The following SEMA6D variants were observed in gnomAD, a reference collection of about 807,000 sequenced individuals.
The protein encoded by SEMA6D is semaphorin-6D.
Under a neutral mutation model 106.6 loss-of-function variants are expected in SEMA6D, and 35 were observed. That is an observed-to-expected ratio of 0.33 (90% CI 0.25 to 0.44). The LOEUF (loss-of-function observed/expected upper bound fraction) is 0.44, where lower values mean the gene tolerates loss of function less well. SEMA6D is among the 20% of genes least tolerant of loss of function. The pLI, the probability that SEMA6D is intolerant of heterozygous loss-of-function variation, is 1.00. For missense variants in SEMA6D, 1,185 were observed against 1,345.9 expected, an observed-to-expected ratio of 0.88 and a Z score of 1.87; for synonymous variants, 499 against 487.7, an observed-to-expected ratio of 1.02 and a Z score of -0.31.
chr15:47,659,174 A>G (rs1372822320), intron 4 of SEMA6D, among the ~76,000 whole-genome samples: 5 of 152,022 alleles, frequency 3.3e-5, no homozygotes, highest in African/African-American at 1.2e-4. Context: ...CAAAATATAC[A>G]AATAATGTGA....
chr15:47,633,802 C>A (rs925480953), intron 4 of SEMA6D, among the ~76,000 whole-genome samples: 2 of 152,006 alleles, frequency 1.3e-5, no homozygotes, highest in Non-Finnish European at 2.9e-5. Flanking sequence ...TCCAAAGGTC[C>A]CCATTAATTT....
intron 4 of SEMA6D, among the ~76,000 whole-genome samples, chr15:47,691,130 A>G (rs377320372): frequency 4.6e-5 from 7 of 152,322 alleles, no homozygotes; most frequent in East Asian, 3.9e-4. Flanking sequence ...CTTGATATCA[A>G]TGTTTTAATA....
intron 1 of SEMA6D, among the ~76,000 whole-genome samples, chr15:47,204,954 G>A (rs1028733182): frequency 1.3e-5 from 2 of 152,064 alleles, no homozygotes; most frequent in African/African-American, 4.8e-5. Context: ...GAAAGAAGCT[G>A]TAAAAATGTC....
At chr15:47,315,140 A>T (rs2036613849) in intron 1 of SEMA6D, among the ~76,000 whole-genome samples, 1 of 152,084 alleles carries the variant, frequency 6.6e-6, no homozygotes, top group South Asian at 2.1e-4. Context: ...TGCTGGGATT[A>T]CAAGCGTGAG....
chr15:47,657,795 G>T (rs2077830693), intron 4 of SEMA6D, among the ~76,000 whole-genome samples: 1 of 127,862 alleles, frequency 7.8e-6, no homozygotes, highest in Middle Eastern at 5.2e-3. Flanking sequence ...AGGCTGGAGT[G>T]CAGTGGCAGA....
At chr15:47,629,321 A>G (rs1020545454) in intron 4 of SEMA6D, among the ~76,000 whole-genome samples, 4 of 151,998 alleles carry the variant, frequency 2.6e-5, no homozygotes, top group African/African-American at 9.7e-5. Flanking sequence ...AACTATTGCT[A>G]GAAGCTAAAT....
chr15:47,640,946 A>C (rs975749324), intron 4 of SEMA6D, among the ~76,000 whole-genome samples: 1 of 152,132 alleles, frequency 6.6e-6, no homozygotes, highest in African/African-American at 2.4e-5. Flanking sequence ...AAGAAACCTC[A>C]AAGTCCTTCA....
At chr15:47,578,159 G>C (rs188308115) in intron 3 of SEMA6D, among the ~76,000 whole-genome samples, 1 of 152,332 alleles carries the variant, frequency 6.6e-6, no homozygotes, top group Admixed American at 6.5e-5. Flanking sequence ...TAGTGGAACA[G>C]GGATTCTCTG....
At chr15:47,189,414 T>C (rs1204231933) in intron 1 of SEMA6D, among the ~76,000 whole-genome samples, 1 of 152,078 alleles carries the variant, frequency 6.6e-6, no homozygotes. Flanking sequence ...CATTTTCAGC[T>C]CTTAGAAGGG....
Position 47,643,455 on chromosome 15 carries a change from T to C in SEMA6D, c.-55+42559T>C, listed in dbSNP as rs116087573. ...AGTAACCTAGCTGTAGCATGCAACA[T>C]GAGAGCAGGTCTTCTCAAACTTTTA... On this transcript the variant is annotated intron_variant, in intron 4 of 19. Transcript: ENST00000558014. Among the ~76,000 whole-genome samples the C allele has an allele frequency of 9.6e-3, 1,461 of 152,300 alleles. 21 individuals carry two copies. The highest frequency in any genetic ancestry group is 0.034 in the African/African-American group (1,403 of 41,556).
At chr15:47,331,110 T>A (rs2037324888) in intron 1 of SEMA6D, among the ~76,000 whole-genome samples, 1 of 152,184 alleles carries the variant, frequency 6.6e-6, no homozygotes, top group Non-Finnish European at 1.5e-5. Context: ...TGCATTTAAT[T>A]TCACAGTATA....
chr15:47,610,745 T>C (rs528003023), intron 4 of SEMA6D, among the ~76,000 whole-genome samples: 2 of 152,264 alleles, frequency 1.3e-5, no homozygotes, highest in Admixed American at 1.3e-4. Flanking sequence ...AAAAAGAAAT[T>C]TTCCCAGCAC....
intron 1 of SEMA6D, among the ~76,000 whole-genome samples, chr15:47,352,842 G>C (rs1033172613): frequency 6.6e-6 from 1 of 152,122 alleles, no homozygotes; most frequent in Non-Finnish European, 1.5e-5. Context: ...TCACCCAAGA[G>C]GGTTTATCTC....
At chr15:47,443,967 A>G (rs1282544901) in intron 2 of SEMA6D, among the ~76,000 whole-genome samples, 1 of 152,152 alleles carries the variant, frequency 6.6e-6, no homozygotes, top group Non-Finnish European at 1.5e-5. Context: ...TGATAAACAA[A>G]TTGATGATTT....
At chr15:47,266,663 T>C (rs2034334640) in intron 1 of SEMA6D, among the ~76,000 whole-genome samples, 1 of 152,050 alleles carries the variant, frequency 6.6e-6, no homozygotes, top group South Asian at 2.1e-4. Flanking sequence ...GCCCAGGGCT[T>C]AGCCTGAGCA....
rs149544695 is a variant in SEMA6D, at chr15:47,344,664, T to C, written c.-238-67729T>C. Among the ~76,000 whole-genome samples the C allele has an allele frequency of 7.8e-3, 1,183 of 152,326 alleles. 22 individuals carry two copies. The highest frequency in any genetic ancestry group is 0.027 in the African/African-American group (1,129 of 41,582). On this transcript the variant is annotated intron_variant, in intron 1 of 19. Transcript: ENST00000558014. Reference sequence around the variant, plus strand: ...ACACTAGAGATCTGCAGAGGATCTCTTTTGAGAATTCAGTTAAGTATTGGT... The same window carrying C: ...ACACTAGAGATCTGCAGAGGATCTCCTTTGAGAATTCAGTTAAGTATTGGT...
intron 2 of SEMA6D, among the ~76,000 whole-genome samples, chr15:47,460,539 G>A (rs2042475138): frequency 6.6e-6 from 1 of 152,092 alleles, no homozygotes; most frequent in African/African-American, 2.4e-5. Flanking sequence ...ATGATGCTGT[G>A]TGCTTGAGGA....
At chr15:47,520,806 C>G (rs763526350) in intron 3 of SEMA6D, among the ~76,000 whole-genome samples, 19 of 152,114 alleles carry the variant, frequency 1.2e-4, no homozygotes, top group Admixed American at 6.5e-5. Context: ...GGAACCCCAG[C>G]AAAGAGGAAG....
At chr15:47,387,084 A>C (rs2039864999) in intron 1 of SEMA6D, among the ~76,000 whole-genome samples, 2 of 152,152 alleles carry the variant, frequency 1.3e-5, no homozygotes, top group Non-Finnish European at 2.9e-5. Flanking sequence ...AGAATAACTC[A>C]AAGTCAGCTT....
Sources: gnomAD v4.1 joint callset for allele counts (sites outside exome capture counted in the v4.1 genomes callset) on GRCh38, gnomAD v4.1.1 for gene constraint, MANE v1.5 for transcripts, NCBI Gene and HGNC (gene_info 2026-07-23, HGNC 2026-07-21) for gene names.